ACO2: variants seen among roughly 807,000 people sequenced by gnomAD.
ACO2 encodes the protein aconitase 2, also known as aconitate hydratase, mitochondrial.
Under a neutral mutation model 84.5 loss-of-function variants are expected in ACO2, and 31 were observed. The ratio of observed to expected loss-of-function variants is 0.37; its 90% confidence interval spans 0.28 to 0.50. The LOEUF (loss-of-function observed/expected upper bound fraction) is 0.50, where lower values mean the gene tolerates loss of function less well. Ranked by LOEUF, ACO2 falls within the 20% of genes least tolerant of loss-of-function variation. The probability of loss-of-function intolerance (pLI) is 0.97; values close to 1 mark genes in which losing one functional copy is unlikely to be tolerated. For missense variants in ACO2, 685 were observed against 1,029.3 expected (o/e 0.67, Z 4.58); for synonymous variants, 414 against 412.7 (o/e 1.00, Z -0.04).
rs1343667140 is a variant in ACO2, at chr22:41,520,141, TTTC to T, written c.1033-25_1033-23del. ...GCTTCAAGGTTTCTTCCCTCCTCTCTTTCTTCTCCTTGCATGTTTGTTTCTTCA... is the reference window on the plus strand; with the variant it reads ...GCTTCAAGGTTTCTTCCCTCCTCTCTTTCTCCTTGCATGTTTGTTTCTTCA... On this transcript the variant is annotated intron_variant, in intron 8 of 17. Transcript: ENST00000216254. 5.7e-6 allele frequency: 9 copies of T among 1,592,582 alleles called. No homozygotes were observed. The African/African-American group carries it at 1.1e-4, about 19-fold the overall frequency.
rs539483795 is a variant in ACO2 at position 41,515,681 on chromosome 22, T to G, written c.685-86T>G. 10 of 1,604,154 alleles carry G rather than the reference T, an allele frequency of 6.2e-6. No individual in the cohort carries two copies. The South Asian group carries it at 1.1e-4, about 18-fold the overall frequency. On this transcript the variant is annotated intron_variant, in intron 5 of 17. Coordinates refer to ENST00000216254, the MANE Select transcript of ACO2 (RefSeq NM_001098.3). This position sits in a 1 kb window ranked among gnomAD's most constrained non-coding sequence, Gnocchi z 5.8. Reference sequence around the variant, plus strand: ...GGAGGTAGAGACCAATAAGCAGCAATGTGAATGGCAGCAGGGCCATCCTGA... The same window carrying G: ...GGAGGTAGAGACCAATAAGCAGCAAGGTGAATGGCAGCAGGGCCATCCTGA...
In ACO2 at chr22:41,507,671, A is replaced by T. The variant is rs148035383; in HGVS notation, c.174-120A>T. 1.5e-3 allele frequency: 2,036 copies of T among 1,389,906 alleles called. 1 individual carries two copies. The highest frequency in any genetic ancestry group is 1.8e-3 in the Non-Finnish European group (1,853 of 1,031,768). 86.1% of individuals were successfully genotyped at this position (1,389,906 alleles called of 1,614,324 possible). ...ACCCAAGTGGAACGTTGAGGTCCTG[A>T]GTTCAGACTCCCTGTCCCTGGCCAC... On this transcript the variant is annotated intron_variant, in intron 2 of 17. Transcript: ENST00000216254.
intron 4 of ACO2, among the ~76,000 whole-genome samples, chr22:41,514,792 C>T (rs571116024): frequency 6.6e-5 from 10 of 152,332 alleles, no homozygotes; most frequent in Admixed American, 3.9e-4. Flanking sequence ...GGTGGCATCG[C>T]GCCTTGAGCA....
At chr22:41,480,805 G>T (rs563451086) in intron 1 of ACO2, among the ~76,000 whole-genome samples, 1 of 152,160 alleles carries the variant, frequency 6.6e-6, no homozygotes, top group African/African-American at 2.4e-5. Flanking sequence ...CAAAATCTCT[G>T]CCATTTTTGT....
At position 41,528,444 on chromosome 22, in the gene ACO2, C is replaced by T. The variant is rs1352229831; in HGVS notation, c.2209-35C>T. 5.0e-6 allele frequency: 8 copies of T among 1,607,960 alleles called. No individual in the cohort carries two copies. The African/African-American group carries it at 8.0e-5, about 16-fold the overall frequency. On this transcript the variant is annotated intron_variant, in intron 17 of 17. Transcript: ENST00000216254. ...TGCGGGGCCAAGGGCACACAGTACC[C>T]ACCACTTCCACCCACACCCACCTTC...
Position 41,527,997 on chromosome 22 carries a change from G to A in ACO2, c.2183G>A (p.Gly728Asp), listed in dbSNP as rs766931866. The A allele has an allele frequency of 2.5e-6, 4 of 1,614,176 alleles. No individual in the cohort carries two copies. Among genetic ancestry groups the A allele is most frequent in the Non-Finnish European group, 2.5e-6 (3 of 1,180,028 alleles). ...IHPVDKLTIQGLKDFTPGKPL... is the reference protein window; with the variant it reads ...IHPVDKLTIQDLKDFTPGKPL... ...CCTGTGGACAAGCTGACCATTCAGG[G>A]CCTGAAGGACTTCACCCCTGGCAAG... Residue 728 changes from glycine (G) to aspartate (D), a missense_variant, in exon 17 of 18, where the codon GGC becomes GAC. Around this residue, in one of 5 missense-constraint regions of ACO2, gnomAD observed 174 missense variants for 236.6 expected, o/e 0.74. Transcript: ENST00000216254.
chr22:41,526,539 G>C, intron 15 of ACO2, 86 bp downstream of exon 15: 1 of 1,461,828 alleles, frequency 6.8e-7, no homozygotes, highest in African/African-American at 1.4e-5. Flanking sequence ...TAGGGGAGTG[G>C]AAACTGGGAA....
Position 41,523,170 on chromosome 22 carries a change from A to AC in ACO2, c.1297-32dup, listed in dbSNP as rs775989546. 3.8e-6 allele frequency: 6 copies of AC among 1,591,238 alleles called. No homozygotes were observed. In the Admixed American group the frequency reaches 8.5e-5, roughly 23 times the overall value. On this transcript the variant is annotated intron_variant, in intron 10 of 17. Transcript: ENST00000216254. ...ACCCCTTCCCATCAGACTCTCACCC[A>AC]CCCTTGACATTCTGTCTTCCTCTCT...
rs9680629 is a variant in ACO2, at chr22:41,497,620, C to T, written c.37-2106C>T. Among the ~76,000 whole-genome samples the T allele has an allele frequency of 5.3e-5, 8 of 152,172 alleles. No homozygotes were observed. In the South Asian group the frequency reaches 8.3e-4, roughly 16 times the overall value. On this transcript the variant is annotated intron_variant, in intron 1 of 17. Coordinates refer to ENST00000216254, the MANE Select transcript of ACO2 (RefSeq NM_001098.3). ...GAATTAGGGTGGGCGCAGTGGCTCA[C>T]GCCTGTAATCCTAGCACTTTGGGAG...
intron 4 of ACO2, among the ~76,000 whole-genome samples, chr22:41,514,242 CCT>C (rs2066458690): frequency 6.6e-6 from 1 of 152,182 alleles, no homozygotes; most frequent in Non-Finnish European, 1.5e-5. Flanking sequence ...GCCTGTCACA[CCT>C]CTCATGTGTT....
chr22:41,495,202 T>A (rs529716315), intron 1 of ACO2, among the ~76,000 whole-genome samples: 343 of 152,170 alleles, frequency 2.3e-3, no homozygotes, highest in Non-Finnish European at 4.0e-3. Context: ...AATTTATGTT[T>A]TATTTTATTT....
intron 1 of ACO2, among the ~76,000 whole-genome samples, chr22:41,475,889 C>G (rs1483262524): frequency 7.1e-6 from 1 of 140,572 alleles, no homozygotes; most frequent in Non-Finnish European, 1.6e-5. Context: ...CAGGGTGAAA[C>G]TCTGTCTCAA....
At position 41,490,219 on chromosome 22, in the gene ACO2, G is replaced by C. The variant is rs111404010; in HGVS notation, c.37-9507G>C. On this transcript the variant is annotated intron_variant, in intron 1 of 17. Transcript: ENST00000216254. ...GTGCCTGTAGTCCCAGCTACTCAGT[G>C]GGGGGCTAAGGCAGGAGAATCGCTT... is the stretch of plus-strand genomic sequence containing the variant. 2.3e-3 allele frequency among the ~76,000 whole-genome samples: 353 copies of C among 152,188 alleles called. 5 individuals carry two copies. The highest frequency in any genetic ancestry group is 6.8e-3 in the Middle Eastern group (2 of 294).
At chr22:41,490,425 A>G (rs1237895068) in intron 1 of ACO2, among the ~76,000 whole-genome samples, 1 of 152,344 alleles carries the variant, frequency 6.6e-6, no homozygotes, top group East Asian at 1.9e-4. Context: ...ATGTTGTGCA[A>G]CCATCACCAT....
chr22:41,524,752 G>C (rs2066563732), intron 12 of ACO2, 94 bp from the exon 13 acceptor site: 3 of 1,576,662 alleles, frequency 1.9e-6, no homozygotes, highest in Non-Finnish European at 2.6e-6. Flanking sequence ...AATTTCCTGG[G>C]TTCCTTTCTC....
intron 15 of ACO2, 145 bp from the exon 16 acceptor site, chr22:41,527,143 C>A: frequency 3.3e-6 from 4 of 1,209,604 alleles, no homozygotes; most frequent in South Asian, 1.4e-5. Flanking sequence ...CCTTAGGCAG[C>A]AGGCGAGGAA....
At chr22:41,481,145 A>G (rs1421255350) in intron 1 of ACO2, among the ~76,000 whole-genome samples, 1 of 152,126 alleles carries the variant, frequency 6.6e-6, no homozygotes. Flanking sequence ...ATGTTACAGA[A>G]GAGGAAATTA....
chr22:41,489,711 A>C (rs2066257879), intron 1 of ACO2, among the ~76,000 whole-genome samples: 1 of 148,340 alleles, frequency 6.7e-6, no homozygotes, highest in Non-Finnish European at 1.5e-5. Flanking sequence ...TGTCACCAGG[A>C]GGCACCGGTG....
intron 1 of ACO2, among the ~76,000 whole-genome samples, chr22:41,476,666 C>T (rs912701550): frequency 6.6e-6 from 1 of 151,926 alleles, no homozygotes; most frequent in African/African-American, 2.4e-5. Context: ...GCCGAGATTG[C>T]GCCACTGTAC....
Sources: gnomAD v4.1 joint callset for allele counts (sites outside exome capture counted in the v4.1 genomes callset) on GRCh38, gnomAD v4.1.1 for gene constraint, gnomAD v4.1.1 regional missense constraint, Gnocchi (gnomAD v3.1) non-coding constraint, MANE v1.5 for transcripts, NCBI Gene and HGNC (gene_info 2026-07-23, HGNC 2026-07-21) for gene names.